The following ENKUR variants were observed in gnomAD, a reference collection of about 807,000 sequenced individuals.
The protein encoded by ENKUR is enkurin, TRPC channel interacting protein.
A neutral mutation model predicts 27.6 loss-of-function variants in ENKUR; 19 were observed. The ratio of observed to expected loss-of-function variants is 0.69; its 90% CI spans 0.48 to 1.01. The LOEUF (loss-of-function observed/expected upper bound fraction) is 1.01. Among genes scored for constraint, ENKUR ranks in the 50% least tolerant of loss-of-function variants. The probability of loss-of-function intolerance (pLI) is 0.00; values close to 1 mark genes in which losing one functional copy is unlikely to be tolerated. For synonymous variants in ENKUR, 117 were observed against 96.9 expected, an observed-to-expected ratio of 1.21 and a Z score of -1.22; for missense variants, 312 against 310.5, an observed-to-expected ratio of 1.00 and a Z score of -0.04.
chr10:24,986,782 A>G (rs528328282), intron 4 of ENKUR, among the ~76,000 whole-genome samples: 1 of 152,228 alleles, frequency 6.6e-6, no homozygotes, highest in Non-Finnish European at 1.5e-5. Flanking sequence ...TTCATATTAT[A>G]TTGAAATACG....
intron 4 of ENKUR, among the ~76,000 whole-genome samples, chr10:24,985,517 T>G (rs963751579): frequency 3.9e-5 from 6 of 152,356 alleles, no homozygotes; most frequent in African/African-American, 1.4e-4. Context: ...TAATGTATTC[T>G]ATAAATGATT....
chr10:25,010,769 T>A (rs1158485616), intron 1 of ENKUR, among the ~76,000 whole-genome samples: 1 of 142,018 alleles, frequency 7.0e-6, no homozygotes, highest in Non-Finnish European at 1.6e-5. Context: ...ACAAAGGACA[T>A]GAACTCATCA....
intron 2 of ENKUR, among the ~76,000 whole-genome samples, chr10:25,047,217 A>G (rs1182964611): frequency 6.6e-6 from 1 of 152,130 alleles, no homozygotes; most frequent in Non-Finnish European, 1.5e-5. Flanking sequence ...TTTTTCCATG[A>G]TGAGGCTATT....
upstream of ENKUR, among the ~76,000 whole-genome samples, chr10:25,016,426 A>C (rs1850575225): frequency 6.6e-6 from 1 of 152,182 alleles, no homozygotes; most frequent in South Asian, 2.1e-4. Context: ...GTCACCCAAT[A>C]AGGTTTTTGT....
intron 2 of ENKUR, among the ~76,000 whole-genome samples, chr10:25,022,682 A>G (rs575798818): frequency 6.6e-6 from 1 of 152,298 alleles, no homozygotes; most frequent in East Asian, 1.9e-4. Context: ...GTCTGTCACA[A>G]TGTTCATATA....
chr10:25,022,536 C>T (rs576854939), intron 2 of ENKUR, among the ~76,000 whole-genome samples: 7 of 152,224 alleles, frequency 4.6e-5, no homozygotes, highest in African/African-American at 9.6e-5. Flanking sequence ...TCTTAATATG[C>T]GTGTAAAAGG....
intron 2 of ENKUR, among the ~76,000 whole-genome samples, chr10:25,032,316 G>GGT (rs1564353486): frequency 6.7e-6 from 1 of 148,162 alleles, no homozygotes; most frequent in African/African-American, 2.5e-5. Flanking sequence ...AGTAAAGAAG[G>GGT]GGGGGGGGCT....
chr10:24,996,225 C>T (rs1420731842), intron 2 of ENKUR, among the ~76,000 whole-genome samples: 2 of 152,184 alleles, frequency 1.3e-5, no homozygotes, highest in Non-Finnish European at 2.9e-5. Context: ...GAGTCTGAGA[C>T]CAGTCTCGGC....
At chr10:24,995,019 T>C (rs1850015088) in intron 3 of ENKUR, among the ~76,000 whole-genome samples, 1 of 151,920 alleles carries the variant, frequency 6.6e-6, no homozygotes, top group African/African-American at 2.4e-5. Flanking sequence ...AGAATATGTC[T>C]CAAAAAAAAT....
chr10:24,984,823 C>T lies in ENKUR; in HGVS notation c.677G>A (p.Arg226His), dbSNP rs115177998. The T allele has an allele frequency of 4.3e-4, 694 of 1,613,576 alleles. 7 individuals carry two copies. The African/African-American group carries it at 6.7e-3, about 16-fold the overall frequency. ...CATTTCTTCTTCCAGCCTCTGCTTG[C>T]GGATCTTCTTTGGTATAGAATCTAT... ...VFIDSIPKKI[R>H]KQRLEEEMKQ... Residue 226 changes from arginine to histidine, a missense_variant, in exon 5 of 6, where the codon CGC (arginine) becomes CAC (histidine). Physicochemically the swap from Arg to His is conservative, Grantham distance 29. Transcript: ENST00000331161.
chr10:25,016,261 A>C (rs1039870625), upstream of ENKUR: 14 of 886,206 alleles, frequency 1.6e-5, no homozygotes, highest in South Asian at 2.1e-4. Context: ...TCTGCTAGAG[A>C]AGCTCATTTG....
chr10:25,025,072 G>T, intron 2 of ENKUR: 1 of 1,614,184 alleles, frequency 6.2e-7, no homozygotes, highest in South Asian at 1.1e-5. Context: ...TTTTGTAGCT[G>T]ACTGGTGCTC....
upstream of ENKUR, among the ~76,000 whole-genome samples, chr10:25,019,608 A>T (rs1850677992): frequency 6.6e-6 from 1 of 152,264 alleles, no homozygotes; most frequent in African/African-American, 2.4e-5. Context: ...TAAGGTATAC[A>T]GGAGGATGTG....
intron 2 of ENKUR, among the ~76,000 whole-genome samples, chr10:25,049,389 A>G (rs1259577954): frequency 7.2e-6 from 1 of 138,598 alleles, no homozygotes; most frequent in Non-Finnish European, 1.6e-5. Context: ...GTATGTAAAT[A>G]AAAACTTATG....
chr10:25,034,618 G>A (rs1422312625), intron 2 of ENKUR, among the ~76,000 whole-genome samples: 1 of 151,914 alleles, frequency 6.6e-6, no homozygotes, highest in Non-Finnish European at 1.5e-5. Context: ...AAACGTAATT[G>A]GTTGACATTA....
At chr10:25,027,237 T>A (rs551492369) in intron 2 of ENKUR, among the ~76,000 whole-genome samples, 37 of 151,350 alleles carry the variant, frequency 2.4e-4, no homozygotes, top group African/African-American at 9.0e-4. Flanking sequence ...GCACCTGTAG[T>A]CCCAGCTAGT....
chr10:25,007,973 TTA>T (rs1401371932), intron 1 of ENKUR, among the ~76,000 whole-genome samples: 1 of 148,510 alleles, frequency 6.7e-6, no homozygotes, highest in Non-Finnish European at 1.5e-5. Context: ...CTGTGATATA[TTA>T]TATATATGTA....
At chr10:25,057,500 G>A (rs1329720718) in intron 2 of ENKUR, among the ~76,000 whole-genome samples, 1 of 151,770 alleles carries the variant, frequency 6.6e-6, no homozygotes, top group Non-Finnish European at 1.5e-5. Flanking sequence ...TATTAGCTTG[G>A]TGACCCATTA....
At chr10:25,033,489 T>C (rs572387453) in intron 2 of ENKUR, among the ~76,000 whole-genome samples, 1 of 151,880 alleles carries the variant, frequency 6.6e-6, no homozygotes, top group South Asian at 2.1e-4. Flanking sequence ...AGATTTATAA[T>C]GCATATTAGC....
Sources: allele counts gnomAD v4.1 joint callset (sites outside exome capture counted in the v4.1 genomes callset), GRCh38; gene constraint gnomAD v4.1.1; transcripts MANE v1.5; gene names NCBI Gene and HGNC (gene_info 2026-07-23, HGNC 2026-07-21).